The following GRAMD1B variants were observed in gnomAD, a reference collection of about 807,000 sequenced individuals.
GRAMD1B encodes the protein GRAM domain containing 1B.
A neutral mutation model predicts 99.7 loss-of-function variants in GRAMD1B; 37 were observed. That is an observed-to-expected ratio of 0.37 (90% CI 0.29 to 0.49). The LOEUF is 0.49. GRAMD1B is among the 20% of genes least tolerant of loss of function. GRAMD1B has a pLI of 0.98. For missense variants in GRAMD1B, 888 were observed against 1,009.2 expected (o/e 0.88, Z 1.63); for synonymous variants, 427 against 387.6 (o/e 1.10, Z -1.19).
intron 19 of GRAMD1B, among the ~76,000 whole-genome samples, chr11:123,620,490 A>AT (rs1954979538): frequency 6.6e-6 from 1 of 151,484 alleles, no homozygotes; most frequent in Non-Finnish European, 1.5e-5. Flanking sequence ...AAAAAAAAAA[A>AT]AAAAAAGGGA....
chr11:123,578,857 G>T (rs1949026750), intron 3 of GRAMD1B, among the ~76,000 whole-genome samples: 1 of 152,174 alleles, frequency 6.6e-6, no homozygotes, highest in South Asian at 2.1e-4. Context: ...GGTGAGTGAG[G>T]ATGGCAGGAG....
chr11:123,531,730 G>GTTTTT (rs57528529), intron 2 of GRAMD1B, among the ~76,000 whole-genome samples: 5 of 78,072 alleles, frequency 6.4e-5, no homozygotes, highest in African/African-American at 1.7e-4. Flanking sequence ...TTGCTAGATG[G>GTTTTT]TTTTTTTTTT....
chr11:123,441,152 G>T (rs1299820152), intron 1 of GRAMD1B, among the ~76,000 whole-genome samples: 2 of 152,146 alleles, frequency 1.3e-5, no homozygotes, highest in Non-Finnish European at 2.9e-5. Context: ...GGGGAGCAGG[G>T]TTGTCACATG....
At position 123,554,544 on chromosome 11, in the gene GRAMD1B, A is replaced by T. The variant is rs942364419; in HGVS notation, c.453-22823A>T. On this transcript the variant is annotated intron_variant, in intron 2 of 19. Transcript: ENST00000635736. The stretch of plus-strand genomic sequence containing the variant: ...TCTTTACAAAAAAAAAAAAAAAAAA[A>T]AGAAAGAAAGAAACAAAATGCCGGA... Among the ~76,000 whole-genome samples, 12 of 149,432 alleles carry T rather than the reference A, an allele frequency of 8.0e-5. No individual in the cohort carries two copies. The East Asian group carries it at 1.6e-3, about 19-fold the overall frequency.
At position 123,614,094 on chromosome 11, in the gene GRAMD1B, G is replaced by A. The variant is rs953701272; in HGVS notation, c.2227+436G>A. Among the ~76,000 whole-genome samples the A allele has an allele frequency of 4.6e-5, 7 of 152,266 alleles. No homozygotes were observed. The East Asian group carries it at 7.7e-4, about 17-fold the overall frequency. Reference sequence around the variant, plus strand: ...CAACCCAGGCTTGCCCTCTCAGGCCGTGGACTCCCTTAATATTTCTTCCTC... The same window carrying A: ...CAACCCAGGCTTGCCCTCTCAGGCCATGGACTCCCTTAATATTTCTTCCTC... On this transcript the variant is annotated intron_variant, in intron 16 of 19. Coordinates refer to ENST00000635736, the MANE Select transcript of GRAMD1B (RefSeq NM_001387025.1).
intron 1 of GRAMD1B, among the ~76,000 whole-genome samples, chr11:123,385,148 T>C (rs1340391219): frequency 6.6e-6 from 1 of 152,242 alleles, no homozygotes; most frequent in Non-Finnish European, 1.5e-5. Context: ...CAGTTTACAC[T>C]ATGCCAATTC....
intron 2 of GRAMD1B, among the ~76,000 whole-genome samples, chr11:123,552,254 A>G (rs1945686714): frequency 6.8e-6 from 1 of 146,766 alleles, no homozygotes; most frequent in African/African-American, 2.5e-5. Flanking sequence ...ACCTACACAC[A>G]GTTGTCTTCT....
At chr11:123,441,272 C>T (rs1311583542) in intron 1 of GRAMD1B, among the ~76,000 whole-genome samples, 9 of 152,078 alleles carry the variant, frequency 5.9e-5, no homozygotes, top group Non-Finnish European at 1.3e-4. Context: ...TGGCACCAAA[C>T]CTTTCATAAG....
chr11:123,554,253 C>A (rs1214032372), intron 2 of GRAMD1B, among the ~76,000 whole-genome samples: 3 of 152,090 alleles, frequency 2.0e-5, no homozygotes, highest in Non-Finnish European at 4.4e-5. Flanking sequence ...TGCTTTTAAC[C>A]ATTTTATTGG....
intron 1 of GRAMD1B, among the ~76,000 whole-genome samples, chr11:123,465,271 C>G (rs1950607040): frequency 6.6e-6 from 1 of 152,152 alleles, no homozygotes; most frequent in African/African-American, 2.4e-5. Flanking sequence ...AAGCCCAAGT[C>G]GATGGCTCCT....
At chr11:123,467,841 CCCTT>C (rs555769504) in intron 1 of GRAMD1B, among the ~76,000 whole-genome samples, 53 of 109,374 alleles carry the variant, frequency 4.8e-4, no homozygotes, top group Non-Finnish European at 7.9e-4. Flanking sequence ...CTCCCTCCCT[CCCTT>C]CCTTCCTTCC....
chr11:123,511,072 ACTCT>A (rs35053436), intron 2 of GRAMD1B, among the ~76,000 whole-genome samples: 54 of 146,142 alleles, frequency 3.7e-4, no homozygotes, highest in African/African-American at 1.1e-3. Context: ...CCTCTTTTTC[ACTCT>A]CTCTCTCTCT....
intron 1 of GRAMD1B, among the ~76,000 whole-genome samples, chr11:123,446,156 T>C (rs78664463): frequency 0.044 from 6,766 of 152,182 alleles, 199 homozygotes; most frequent in Middle Eastern, 0.11. Flanking sequence ...TGTGAGCCTC[T>C]GCAGACTTCT....
intron 2 of GRAMD1B, among the ~76,000 whole-genome samples, chr11:123,566,381 G>A (rs78521572): frequency 6.6e-6 from 1 of 152,290 alleles, no homozygotes; most frequent in Non-Finnish European, 1.5e-5. Flanking sequence ...GGACTTAAAG[G>A]CTGGCCTTTT....
chr11:123,548,327 C>CAT (rs1565357732), intron 2 of GRAMD1B, among the ~76,000 whole-genome samples: 1 of 81,168 alleles, frequency 1.2e-5, no homozygotes, highest in Non-Finnish European at 2.4e-5. Flanking sequence ...TATATATATA[C>CAT]ACACACACAC....
intron 2 of GRAMD1B, among the ~76,000 whole-genome samples, chr11:123,527,034 G>T (rs1445870254): frequency 1.3e-5 from 2 of 152,198 alleles, no homozygotes; most frequent in Non-Finnish European, 2.9e-5. Flanking sequence ...GCTGCCTGAG[G>T]CCTCCTTCAG....
chr11:123,548,270 G>C (rs1945209232), intron 2 of GRAMD1B, among the ~76,000 whole-genome samples: 1 of 138,820 alleles, frequency 7.2e-6, no homozygotes, highest in Admixed American at 7.5e-5. Flanking sequence ...GGTTTAAATT[G>C]GAAGAGTCAG....
intron 3 of GRAMD1B, among the ~76,000 whole-genome samples, chr11:123,578,874 G>A (rs1203402256): frequency 1.3e-5 from 2 of 152,188 alleles, no homozygotes; most frequent in East Asian, 3.9e-4. Context: ...GGAGGGCTGC[G>A]CTGACTGGGG....
At chr11:123,613,177 CT>C in intron 15 of GRAMD1B, 3 of 555,826 alleles carry the variant, frequency 5.4e-6, no homozygotes, top group Non-Finnish European at 6.4e-6. Flanking sequence ...TGTAAAATGC[CT>C]GTGAATGCAT....
Sources: gnomAD v4.1 joint callset for allele counts (sites outside exome capture counted in the v4.1 genomes callset) on GRCh38, gnomAD v4.1.1 for gene constraint, MANE v1.5 for transcripts, NCBI Gene and HGNC (gene_info 2026-07-23, HGNC 2026-07-21) for gene names.